IRAK4: variants seen among roughly 807,000 people sequenced by gnomAD.
IRAK4 encodes interleukin-1 receptor-associated kinase 4.
Under a neutral mutation model 51.8 loss-of-function variants are expected in IRAK4, and 44 were observed. The observed-to-expected ratio is 0.85, with a 90% CI of 0.67 to 1.09. IRAK4 has a LOEUF of 1.09. IRAK4 is among the 50% of genes least tolerant of loss of function. IRAK4 has a pLI of 0.00. For missense variants in IRAK4, 487 were observed against 538.0 expected (o/e 0.91, Z 0.94); for synonymous variants, 149 against 174.1 (o/e 0.86, Z 1.13).
At chr12:43,772,055 T>C in intron 3 of IRAK4, 125 bp from the exon 4 acceptor site, 1 of 717,888 alleles carries the variant, frequency 1.4e-6, no homozygotes, top group Non-Finnish European at 2.4e-6. Context: ...TTGTGTGTGC[T>C]GTGAGAATAT....
chr12:43,780,285 A>G (rs1180205122), intron 8 of IRAK4, among the ~76,000 whole-genome samples: 3 of 152,200 alleles, frequency 2.0e-5, no homozygotes, highest in Non-Finnish European at 4.4e-5. Context: ...ACATTTTACT[A>G]GTGAAGGGGA....
intron 1 of IRAK4, among the ~76,000 whole-genome samples, chr12:43,765,921 T>C (rs1422280618): frequency 3.3e-5 from 5 of 152,058 alleles, no homozygotes; most frequent in African/African-American, 1.2e-4. Flanking sequence ...TTTGGCCTCC[T>C]AAATGTTTTG....
rs111935971 is a variant in IRAK4, at chr12:43,774,004, G to A, written c.691G>A (p.Asp231Asn). 7.7e-5 allele frequency: 124 copies of A among 1,610,716 alleles called. No individual in the cohort carries two copies. The Middle Eastern group carries it at 1.2e-3, about 15-fold the overall frequency. ...TACTGAAGAACTGAAACAGCAGTTT[G>A]ATCAAGAAATAAAAGTAATGGCAAA... Reference protein sequence around the residue: ...ITTEELKQQFDQEIKVMAKCQ... With the variant: ...ITTEELKQQFNQEIKVMAKCQ... The change falls in exon 6 of 12, where the codon GAT becomes AAT. Residue 231 changes from aspartate to asparagine, a missense_variant. By Grantham distance (23) the Asp-to-Asn change is conservative (BLOSUM62 1). Coordinates refer to ENST00000613694, the MANE Select transcript of IRAK4 (RefSeq NM_016123.4).
chr12:43,786,578 T>A, intron 11 of IRAK4, 21 bp downstream of exon 11: 1 of 1,611,978 alleles, frequency 6.2e-7, no homozygotes, highest in South Asian at 1.1e-5. Flanking sequence ...TTTATACTTA[T>A]TTAAAAAGTG....
intron 1 of IRAK4, among the ~76,000 whole-genome samples, chr12:43,767,067 T>G (rs1940225425): frequency 6.6e-6 from 1 of 152,206 alleles, no homozygotes; most frequent in South Asian, 2.1e-4. Context: ...TTTGATAGTT[T>G]TAGAATGTTG....
At chr12:43,770,465 C>T (rs1455019689) in intron 2 of IRAK4, among the ~76,000 whole-genome samples, 5 of 152,172 alleles carry the variant, frequency 3.3e-5, no homozygotes, top group Non-Finnish European at 7.4e-5. Context: ...GCTGGTTACT[C>T]TACCTCTCCA....
intron 2 of IRAK4, among the ~76,000 whole-genome samples, chr12:43,769,563 G>A (rs900160544): frequency 6.6e-6 from 1 of 152,074 alleles, no homozygotes; most frequent in African/African-American, 2.4e-5. Flanking sequence ...GAGGTGGGAG[G>A]ATCACCTGAG....
chr12:43,765,671 A>G (rs1940060016), intron 1 of IRAK4, among the ~76,000 whole-genome samples: 2 of 151,776 alleles, frequency 1.3e-5, no homozygotes. Context: ...TTTTTGCACG[A>G]TATGCATTTT....
rs1484895635 is a variant in IRAK4, at chr12:43,773,149, T to C, written c.651+77T>C. On this transcript the variant is annotated intron_variant, in intron 5 of 11. Coordinates refer to ENST00000613694, the MANE Select transcript of IRAK4 (RefSeq NM_016123.4). ...TATAATAGGTTTTAAAGTTAATCTT[T>C]AGGAAATACATTATTTCAGTATGTA... 3.2e-6 allele frequency: 4 copies of C among 1,245,098 alleles called. No individual in the cohort carries two copies. The African/African-American group carries it at 4.5e-5, about 14-fold the overall frequency. The allele number at this position is 1,245,098 out of a possible 1,614,324, so 77.1% of individuals were successfully genotyped here. A position where few individuals can be genotyped will look rare whatever the true frequency, so the allele number is the denominator to read the frequency against.
intron 1 of IRAK4, among the ~76,000 whole-genome samples, chr12:43,765,208 A>G (rs1939996103): frequency 6.6e-6 from 1 of 152,242 alleles, no homozygotes; most frequent in Admixed American, 6.5e-5. Flanking sequence ...ATTTTCAGTC[A>G]GAATTGTATA....
intron 1 of IRAK4, among the ~76,000 whole-genome samples, chr12:43,767,240 TAGAA>T (rs1470953994): frequency 1.3e-5 from 2 of 151,990 alleles, no homozygotes; most frequent in Non-Finnish European, 1.5e-5. Flanking sequence ...AAAATCCACA[TAGAA>T]AGAAGTAAAG....
chr12:43,759,920 T>A (rs1939298331), intron 1 of IRAK4, among the ~76,000 whole-genome samples: 1 of 150,946 alleles, frequency 6.6e-6, no homozygotes, highest in African/African-American at 2.4e-5. Flanking sequence ...GAAAGCACTT[T>A]GAGCATTTAG....
chr12:43,763,830 G>A (rs1052339687), intron 1 of IRAK4, among the ~76,000 whole-genome samples: 1 of 151,842 alleles, frequency 6.6e-6, no homozygotes, highest in Non-Finnish European at 1.5e-5. Flanking sequence ...GTCACCAATG[G>A]CCTTCTGATT....
At chr12:43,772,859 A>G in intron 4 of IRAK4, 53 bp from the exon 5 acceptor site, 4 of 1,302,530 alleles carry the variant, frequency 3.1e-6, no homozygotes, top group African/African-American at 3.0e-5. Flanking sequence ...AAATATTATA[A>G]TTATTAAAAC....
In IRAK4 at chr12:43,786,472, CT is replaced by C; in HGVS notation, c.1263del (p.Asp422IlefsTer36). The C allele has an allele frequency of 6.2e-7, 1 of 1,611,860 alleles. No individual in the cohort carries two copies. The highest frequency in any genetic ancestry group is 8.5e-7 in the Non-Finnish European group (1 of 1,179,188). ...TATATTGATAAAAAGATGAATGATG[CT>C]GATTCCACTTCAGTTGAAGCTATGT... ...EDYIDKKMND[A>X]DSTSVEAMYS... On this transcript the variant is annotated frameshift_variant, in exon 11 of 12. Coordinates refer to ENST00000613694, the MANE Select transcript of IRAK4 (RefSeq NM_016123.4). LOFTEE classifies it high-confidence loss of function.
intron 1 of IRAK4, among the ~76,000 whole-genome samples, chr12:43,766,907 T>C (rs1373037854): frequency 6.6e-6 from 1 of 152,152 alleles, no homozygotes; most frequent in Non-Finnish European, 1.5e-5. Context: ...CAAATAAGTA[T>C]ATGATTACAA....
In IRAK4 at chr12:43,788,897, A is replaced by T. The variant is rs1942383233; in HGVS notation, c.*2182A>T. 1 of 152,060 alleles carries T rather than the reference A, an allele frequency of 6.6e-6. No homozygotes were observed. Among genetic ancestry groups the T allele is most frequent in the Non-Finnish European group, 1.5e-5 (1 of 68,040 alleles). The allele number at this position is 152,060 out of a possible 1,614,324, so 9.4% of individuals were successfully genotyped here. On this transcript the variant is annotated 3_prime_UTR_variant, in exon 12 of 12. Coordinates refer to ENST00000613694, the MANE Select transcript of IRAK4 (RefSeq NM_016123.4). ...CTTTAGCCAATTTCTCCCTTTTGGG[A>T]CAAGAATGTTTTACTTATTGCCTGT...
In IRAK4 at chr12:43,786,816, C is replaced by A; in HGVS notation, c.*101C>A. On this transcript the variant is annotated 3_prime_UTR_variant, in exon 12 of 12. Transcript: ENST00000613694. ...ATATTCTTCTTTACCTTTAACAAGG[C>A]ATAGGCTGTTGCAGGACAGTGGTTA... The A allele has an allele frequency of 9.9e-7, 1 of 1,009,766 alleles. No homozygotes were observed. Among genetic ancestry groups the A allele is most frequent in the Non-Finnish European group, 1.5e-6 (1 of 649,516 alleles). 62.6% of individuals were successfully genotyped at this position (1,009,766 alleles called of 1,614,324 possible). A position where few individuals can be genotyped will look rare whatever the true frequency, so the allele number is the denominator to read the frequency against.
rs1375497930 is a variant in IRAK4, at chr12:43,786,948, TCTC to T, written c.*236_*238del. ...AGTTCTTACAGTAATCCCTGAGAAATCTCCTTCAAGCATCACCAAACACAGTTT... is the reference window on the plus strand; with the variant it reads ...AGTTCTTACAGTAATCCCTGAGAAATCTTCAAGCATCACCAAACACAGTTT... On this transcript the variant is annotated 3_prime_UTR_variant, in exon 12 of 12. Coordinates refer to ENST00000613694, the MANE Select transcript of IRAK4 (RefSeq NM_016123.4). 63 of 551,002 alleles carry T rather than the reference TCTC, an allele frequency of 1.1e-4. No individual in the cohort carries two copies. The highest frequency in any genetic ancestry group is 1.7e-4 in the Non-Finnish European group (53 of 312,896). 34.1% of individuals were successfully genotyped at this position (551,002 alleles called of 1,614,324 possible).
Sources: allele counts gnomAD v4.1 joint callset (sites outside exome capture counted in the v4.1 genomes callset), GRCh38; gene constraint gnomAD v4.1.1; transcripts MANE v1.5; gene names NCBI Gene and HGNC (gene_info 2026-07-23, HGNC 2026-07-21).